The following XRCC5 variants were observed in gnomAD, a reference collection of about 807,000 sequenced individuals.
XRCC5 encodes DNA repair protein Ku80.
XRCC5 carries 12 observed loss-of-function variants against 95.7 expected under a neutral mutation model. The observed-to-expected ratio is 0.13, with a 90% CI of 0.08 to 0.20. The LOEUF (loss-of-function observed/expected upper bound fraction) is 0.20, where lower values mean the gene tolerates loss of function less well. Ranked by LOEUF, XRCC5 falls within the 10% of genes least tolerant of loss-of-function variation. The pLI, the probability that XRCC5 is intolerant of heterozygous loss-of-function variation, is 1.00. For missense variants in XRCC5, 595 were observed against 873.9 expected (o/e 0.68, Z 4.02); for synonymous variants, 281 against 290.3 (o/e 0.97, Z 0.33).
At chr2:216,194,741 C>T (rs1285893768) in intron 18 of XRCC5, among the ~76,000 whole-genome samples, 178 bp from the exon 19 acceptor site, 7 of 152,050 alleles carry the variant, frequency 4.6e-5, no homozygotes, top group Non-Finnish European at 8.8e-5. Flanking sequence ...GAGGCCGAGA[C>T]GGGAGGATCA....
At chr2:216,142,766 C>G (rs1697193326) in intron 13 of XRCC5, among the ~76,000 whole-genome samples, 2 of 152,056 alleles carry the variant, frequency 1.3e-5, no homozygotes, top group Admixed American at 6.5e-5. Context: ...CATATTGGGG[C>G]TTGTGATTTG....
chr2:216,111,545 G>A (rs1442849249), intron 1 of XRCC5: 3 of 275,268 alleles, frequency 1.1e-5, no homozygotes, highest in Non-Finnish European at 2.2e-5. Context: ...AAAAAATGGT[G>A]GGGAGGAAAA....
At chr2:216,145,637 C>T (rs1168950629) in intron 13 of XRCC5, among the ~76,000 whole-genome samples, 1 of 152,132 alleles carries the variant, frequency 6.6e-6, no homozygotes, top group African/African-American at 2.4e-5. Flanking sequence ...TCTCGCTTAG[C>T]TTAATTTGCC....
Position 216,141,221 on chromosome 2 carries a change from T to G in XRCC5, c.1378T>G (p.Ser460Ala). ...GAATGCTGTTGATGCTTTGATTGACTCCATGAGCTTGGCAAAGAAAGATGA... is the reference window on the plus strand; with the variant it reads ...GAATGCTGTTGATGCTTTGATTGACGCCATGAGCTTGGCAAAGAAAGATGA... Reference protein sequence around the residue: ...QLNAVDALIDSMSLAKKDEKT... With the variant: ...QLNAVDALIDAMSLAKKDEKT... Residue 460 changes from serine to alanine, a missense_variant, in exon 13 of 21, where the codon TCC becomes GCC. Transcript: ENST00000392132. The G allele has an allele frequency of 6.2e-7, 1 of 1,614,152 alleles. No homozygotes were observed. Among genetic ancestry groups the G allele is most frequent in the South Asian group, 1.1e-5 (1 of 91,084 alleles).
chr2:216,169,537 C>T (rs1464793828), intron 16 of XRCC5, among the ~76,000 whole-genome samples: 3 of 152,140 alleles, frequency 2.0e-5, no homozygotes, highest in Admixed American at 2.0e-4. Flanking sequence ...TATTGCTTAT[C>T]CCAAGGCCAG....
intron 16 of XRCC5, 96 bp downstream of exon 16, chr2:216,162,144 T>A (rs955180659): frequency 7.3e-6 from 9 of 1,229,124 alleles, no homozygotes; most frequent in Non-Finnish European, 1.1e-5. Flanking sequence ...TGTAACACTT[T>A]AGCATTTTTC....
chr2:216,135,283 G>A (rs1339252154), intron 10 of XRCC5, among the ~76,000 whole-genome samples: 1 of 152,130 alleles, frequency 6.6e-6, no homozygotes, highest in Non-Finnish European at 1.5e-5. Flanking sequence ...ACTAAGCCTA[G>A]AGAAAAGGTT....
At chr2:216,109,562 A>G (rs1696546920) in intron 1 of XRCC5, 105 bp downstream of exon 1, 1 of 1,515,594 alleles carries the variant, frequency 6.6e-7, no homozygotes. Flanking sequence ...AGAATGGGGC[A>G]AGAGAAGATC....
chr2:216,136,085 G>T (rs1225718366), intron 10 of XRCC5, among the ~76,000 whole-genome samples: 1 of 152,084 alleles, frequency 6.6e-6, no homozygotes, highest in Non-Finnish European at 1.5e-5. Context: ...GGCCTGGTGC[G>T]GTGGCTCACG....
At chr2:216,152,835 A>T (rs913714254) in intron 14 of XRCC5, among the ~76,000 whole-genome samples, 1 of 151,660 alleles carries the variant, frequency 6.6e-6, no homozygotes, top group East Asian at 1.9e-4. Flanking sequence ...TTTTGTCGAG[A>T]TAGAGTCTTA....
intron 16 of XRCC5, among the ~76,000 whole-genome samples, chr2:216,187,045 G>T (rs552231795): frequency 1.3e-5 from 2 of 152,122 alleles, no homozygotes; most frequent in African/African-American, 4.8e-5. Context: ...TAAATGGTTC[G>T]TTATAGTCAG....
intron 16 of XRCC5, chr2:216,175,280 C>T (rs926162342): frequency 1.0e-4 from 45 of 438,988 alleles, no homozygotes; most frequent in African/African-American, 8.8e-4. Context: ...GCTGCCACCA[C>T]CTCTACTTCT....
At chr2:216,176,694 C>T (rs1251992144) in intron 16 of XRCC5, among the ~76,000 whole-genome samples, 1 of 151,980 alleles carries the variant, frequency 6.6e-6, no homozygotes, top group Non-Finnish European at 1.5e-5. Flanking sequence ...CTCCATTATT[C>T]TCATTTAATT....
intron 16 of XRCC5, among the ~76,000 whole-genome samples, chr2:216,173,733 G>A (rs1689215716): frequency 6.6e-6 from 1 of 152,156 alleles, no homozygotes; most frequent in Admixed American, 6.5e-5. Flanking sequence ...AAGGATTCAG[G>A]CCATTATCAC....
rs1404390633 is a variant in XRCC5 at position 216,205,901 on chromosome 2, C to T, written c.*699C>T. 3 of 152,210 alleles carry T rather than the reference C, an allele frequency of 2.0e-5. No individual in the cohort carries two copies. Among genetic ancestry groups the T allele is most frequent in the African/African-American group, 7.2e-5 (3 of 41,444 alleles). The allele number at this position is 152,210 out of a possible 1,614,324, so 9.4% of individuals were successfully genotyped here. A position where few individuals can be genotyped will look rare whatever the true frequency, so the allele number is the denominator to read the frequency against. ...AAGAAAAGACCTTTTGGCCCAATCTCTGCCATATCAGTGAACCTTTAGAAA... is the reference window on the plus strand; with the variant it reads ...AAGAAAAGACCTTTTGGCCCAATCTTTGCCATATCAGTGAACCTTTAGAAA... On this transcript the variant is annotated 3_prime_UTR_variant, in exon 21 of 21. Transcript: ENST00000392132.
chr2:216,127,418 T>G, intron 7 of XRCC5, 118 bp from the exon 8 acceptor site: 10 of 1,179,236 alleles, frequency 8.5e-6, no homozygotes, highest in Non-Finnish European at 1.0e-5. Context: ...AACAAAATAA[T>G]GGAGCTAGAG....
chr2:216,192,225 C>G (rs995008857), intron 17 of XRCC5, among the ~76,000 whole-genome samples: 2 of 152,114 alleles, frequency 1.3e-5, no homozygotes, highest in African/African-American at 4.8e-5. Flanking sequence ...AACTCCTGAC[C>G]TCAGGTGATC....
intron 16 of XRCC5, among the ~76,000 whole-genome samples, chr2:216,170,973 C>T (rs537621013): frequency 1.1e-3 from 170 of 152,300 alleles, no homozygotes; most frequent in South Asian, 1.9e-3. Flanking sequence ...TTCAAGATTG[C>T]TCCTTAAGCC....
chr2:216,159,974 CTTT>C (rs58550995), intron 14 of XRCC5, 91 bp from the exon 15 acceptor site: 206 of 480,176 alleles, frequency 4.3e-4, no homozygotes, highest in South Asian at 1.1e-3. Flanking sequence ...CTTCTTTTTT[CTTT>C]TTTTTTTTTG....
Sources: gnomAD v4.1 joint callset for allele counts (sites outside exome capture counted in the v4.1 genomes callset) on GRCh38, gnomAD v4.1.1 for gene constraint, MANE v1.5 for transcripts, NCBI Gene and HGNC (gene_info 2026-07-23, HGNC 2026-07-21) for gene names.